NRG1: variants seen among roughly 807,000 people sequenced by gnomAD.
NRG1 encodes the protein pro-neuregulin-1, membrane-bound isoform.
A neutral mutation model predicts 63.8 loss-of-function variants in NRG1; 18 were observed. That is an observed-to-expected ratio of 0.28 (90% CI 0.19 to 0.42). The LOEUF (loss-of-function observed/expected upper bound fraction) is 0.42. Among genes scored for constraint, NRG1 ranks in the 10% least tolerant of loss-of-function variants. The probability of loss-of-function intolerance (pLI) is 1.00; values close to 1 mark genes in which losing one functional copy is unlikely to be tolerated. For missense variants in NRG1, 762 were observed against 814.7 expected (o/e 0.94, Z 0.79); for synonymous variants, 302 against 301.3 (o/e 1.00, Z -0.02).
At chr8:32,207,220 C>T (rs1229240923) in intron 1 of NRG1, among the ~76,000 whole-genome samples, 3 of 151,780 alleles carry the variant, frequency 2.0e-5, no homozygotes, top group African/African-American at 7.2e-5. Flanking sequence ...TTTTAAATGT[C>T]GCTTTCCAAC....
chr8:32,424,404 T>G (rs948869925), intron 1 of NRG1, among the ~76,000 whole-genome samples: 3 of 152,106 alleles, frequency 2.0e-5, no homozygotes, highest in Admixed American at 6.6e-5. Flanking sequence ...GTAATCTTTT[T>G]GGGGTTCAAT....
intron 1 of NRG1, among the ~76,000 whole-genome samples, chr8:31,807,928 T>A (rs1314339149): frequency 6.7e-6 from 1 of 149,972 alleles, no homozygotes; most frequent in Non-Finnish European, 1.5e-5. Flanking sequence ...TCCTTCTTTT[T>A]TAAGGCTCAA....
At chr8:32,578,756 T>C (rs577651265) in intron 1 of NRG1, among the ~76,000 whole-genome samples, 7 of 148,788 alleles carry the variant, frequency 4.7e-5, no homozygotes, top group African/African-American at 1.7e-4. Flanking sequence ...TTGGACCTGA[T>C]CTATAGTTTT....
chr8:31,770,984 G>T (rs1314755870), intron 1 of NRG1, among the ~76,000 whole-genome samples: 3 of 151,896 alleles, frequency 2.0e-5, no homozygotes, highest in African/African-American at 7.3e-5. Context: ...CTAAACCATA[G>T]ATCTTTTCCA....
intron 1 of NRG1, among the ~76,000 whole-genome samples, chr8:32,510,017 C>G (rs1292209838): frequency 6.6e-6 from 1 of 150,898 alleles, no homozygotes; most frequent in Non-Finnish European, 1.5e-5. Context: ...AAATTTAGCT[C>G]CAAAAGAGAG....
chr8:32,411,078 G>A (rs997276789), intron 1 of NRG1, among the ~76,000 whole-genome samples: 7 of 152,056 alleles, frequency 4.6e-5, no homozygotes, highest in South Asian at 2.1e-4. Context: ...GTTTCACCAA[G>A]TTGACCAGGA....
At chr8:31,928,748 T>G (rs972054244) in intron 1 of NRG1, among the ~76,000 whole-genome samples, 1 of 152,174 alleles carries the variant, frequency 6.6e-6, no homozygotes, top group Non-Finnish European at 1.5e-5. Flanking sequence ...TAGAGGCCAT[T>G]ATTCTAAATA....
chr8:32,715,108 C>T (rs1818851097), intron 5 of NRG1, among the ~76,000 whole-genome samples: 1 of 151,992 alleles, frequency 6.6e-6, no homozygotes, highest in African/African-American at 2.4e-5. Flanking sequence ...AGGCACGCAC[C>T]ACCATGCTCA....
chr8:32,239,925 T>G (rs1847938478), intron 1 of NRG1, among the ~76,000 whole-genome samples: 1 of 152,170 alleles, frequency 6.6e-6, no homozygotes, highest in Admixed American at 6.6e-5. Context: ...GGAGAGGATG[T>G]GGAGAAACTG....
intron 1 of NRG1, among the ~76,000 whole-genome samples, chr8:31,789,157 AG>A (rs1238256359): frequency 6.6e-6 from 1 of 152,166 alleles, no homozygotes; most frequent in Non-Finnish European, 1.5e-5. Flanking sequence ...AAAATCTTAA[AG>A]TCTCTTCTTG....
At chr8:31,950,437 A>G (rs1484443746) in intron 1 of NRG1, among the ~76,000 whole-genome samples, 1 of 152,234 alleles carries the variant, frequency 6.6e-6, no homozygotes, top group Non-Finnish European at 1.5e-5. Flanking sequence ...TCCTAGATTA[A>G]GTTGACAAAG....
intron 5 of NRG1, chr8:32,647,447 G>A (rs1695431183): frequency 7.1e-6 from 7 of 985,388 alleles, no homozygotes; most frequent in Non-Finnish European, 8.4e-6. Context: ...TGACGAGCCC[G>A]GGATGGTTTG....
rs563133433 is a variant in NRG1, at chr8:31,995,672, G to A, written c.37+356241G>A. Among the ~76,000 whole-genome samples, 12 of 152,034 alleles carry A rather than the reference G, an allele frequency of 7.9e-5. No homozygotes were observed. In the East Asian group the frequency reaches 1.4e-3, roughly 17 times the overall value. ...ATTTTTGTATGTGTCCTATTTCCATGTCTTGTTTCCCAGATAAACTATTTC... is the reference window on the plus strand; with the variant it reads ...ATTTTTGTATGTGTCCTATTTCCATATCTTGTTTCCCAGATAAACTATTTC... On this transcript the variant is annotated intron_variant, in intron 1 of 10. Transcript: ENST00000519301.
rs190091706 is a variant in NRG1, at chr8:31,955,135, G to C, written c.37+315704G>C. On this transcript the variant is annotated intron_variant, in intron 1 of 10. Transcript: ENST00000519301. ...GTGCTTTTTTCCATTAAATAGTAAT[G>C]GCATTATTAAAATTGGCATTATTAA... Among the ~76,000 whole-genome samples, 486 of 152,170 alleles carry C rather than the reference G, an allele frequency of 3.2e-3. 5 individuals carry two copies. The highest frequency in any genetic ancestry group is 0.011 in the African/African-American group (453 of 41,506).
At chr8:32,442,068 C>T (rs953585408) in intron 1 of NRG1, among the ~76,000 whole-genome samples, 1 of 152,116 alleles carries the variant, frequency 6.6e-6, no homozygotes, top group Admixed American at 6.5e-5. Flanking sequence ...ATGTGTCATG[C>T]AAATAAGGAT....
chr8:32,668,724 A>G (rs927978444), intron 5 of NRG1, among the ~76,000 whole-genome samples: 1 of 152,132 alleles, frequency 6.6e-6, no homozygotes, highest in Admixed American at 6.5e-5. Context: ...TAAGATTCCT[A>G]TTGTTTTCAG....
At chr8:31,965,121 A>G (rs1806103335) in intron 1 of NRG1, among the ~76,000 whole-genome samples, 1 of 152,126 alleles carries the variant, frequency 6.6e-6, no homozygotes, top group Non-Finnish European at 1.5e-5. Flanking sequence ...GGAATTACGA[A>G]CATTGTATTC....
At chr8:31,839,304 G>T (rs1825971134) in intron 1 of NRG1, among the ~76,000 whole-genome samples, 1 of 152,102 alleles carries the variant, frequency 6.6e-6, no homozygotes, top group Non-Finnish European at 1.5e-5. Context: ...TTTTCCTTAA[G>T]TCAGAGCAAA....
chr8:31,956,636 T>G (rs1242244159), intron 1 of NRG1, among the ~76,000 whole-genome samples: 2 of 151,892 alleles, frequency 1.3e-5, no homozygotes, highest in Non-Finnish European at 2.9e-5. Flanking sequence ...AAAAAAAAAG[T>G]ATTCTGTGAG....
Sources: gnomAD v4.1 joint callset for allele counts (sites outside exome capture counted in the v4.1 genomes callset) on GRCh38, gnomAD v4.1.1 for gene constraint, MANE v1.5 for transcripts, NCBI Gene and HGNC (gene_info 2026-07-23, HGNC 2026-07-21) for gene names.